The following YWHAQ variants were observed in gnomAD, a reference collection of about 807,000 sequenced individuals.
The protein encoded by YWHAQ is 14-3-3 protein theta.
In YWHAQ, 6 loss-of-function variants were observed where a neutral mutation model predicts 28.3. The ratio of observed to expected loss-of-function variants is 0.21; its 90% CI spans 0.12 to 0.42. The LOEUF (loss-of-function observed/expected upper bound fraction) is 0.42. Ranked by LOEUF, YWHAQ falls within the 10% of genes least tolerant of loss-of-function variation. The pLI is 1.00. For missense variants in YWHAQ, 201 were observed against 305.6 expected, an observed-to-expected ratio of 0.66 and a Z score of 2.55; for synonymous variants, 143 against 119.1, an observed-to-expected ratio of 1.20 and a Z score of -1.31.
intron 3 of YWHAQ, among the ~76,000 whole-genome samples, chr2:9,588,723 A>T (rs1666398010): frequency 6.6e-6 from 1 of 152,184 alleles, no homozygotes. Flanking sequence ...GTGAGCCGAC[A>T]TCACACCACT....
At chr2:9,585,561 C>T (rs1449458729) in intron 5 of YWHAQ, among the ~76,000 whole-genome samples, 6 of 151,812 alleles carry the variant, frequency 4.0e-5, no homozygotes, top group African/African-American at 1.4e-4. Flanking sequence ...AAATGACATA[C>T]ATACATACAT....
chr2:9,626,161 T>G (rs531354199), intron 2 of YWHAQ, among the ~76,000 whole-genome samples: 1 of 152,356 alleles, frequency 6.6e-6, no homozygotes, highest in Non-Finnish European at 1.5e-5. Context: ...GTTTCTGAAA[T>G]TGTTTATGCA....
At chr2:9,591,062 A>G (rs1358089658) in intron 3 of YWHAQ, among the ~76,000 whole-genome samples, 1 of 152,266 alleles carries the variant, frequency 6.6e-6, no homozygotes, top group African/African-American at 2.4e-5. Flanking sequence ...GAAATGCAGA[A>G]TCACTCATAA....
rs1359075979 is a variant in YWHAQ, at chr2:9,604,255, G to A, written c.295-12740C>T. ...AAACGAGAGACAGAAAATACGGGGGGAAAAGGTATTCCAAGGCGAAGACTG... is the reference window on the plus strand; with the variant it reads ...AAACGAGAGACAGAAAATACGGGGGAAAAAGGTATTCCAAGGCGAAGACTG... On this transcript the variant is annotated intron_variant, in intron 2 of 5. Coordinates refer to ENST00000238081, the MANE Select transcript of YWHAQ (RefSeq NM_006826.4). Among the ~76,000 whole-genome samples the A allele has an allele frequency of 4.6e-5, 7 of 152,194 alleles. No homozygotes were observed. In the East Asian group the frequency reaches 1.2e-3, roughly 25 times the overall value.
At chr2:9,610,378 A>G (rs1483083045) in intron 2 of YWHAQ, among the ~76,000 whole-genome samples, 5 of 152,206 alleles carry the variant, frequency 3.3e-5, no homozygotes, top group Non-Finnish European at 7.3e-5. Flanking sequence ...AGATTAAATG[A>G]GTTAACACAA....
At chr2:9,617,740 C>T (rs1667064154) in intron 2 of YWHAQ, among the ~76,000 whole-genome samples, 1 of 151,804 alleles carries the variant, frequency 6.6e-6, no homozygotes, top group African/African-American at 2.4e-5. Flanking sequence ...AGTTTGAGAC[C>T]AGCGTGGACA....
chr2:9,590,457 G>A (rs534563650), intron 3 of YWHAQ, among the ~76,000 whole-genome samples: 9 of 152,160 alleles, frequency 5.9e-5, no homozygotes, highest in Non-Finnish European at 1.2e-4. Context: ...CTATTTGTAG[G>A]GGTATATCTT....
intron 2 of YWHAQ, among the ~76,000 whole-genome samples, chr2:9,592,057 A>G (rs1035577988): frequency 5.9e-5 from 9 of 152,170 alleles, no homozygotes; most frequent in Admixed American, 5.9e-4. Flanking sequence ...AAATGCACCA[A>G]ACAGAAAACA....
At chr2:9,596,934 G>A (rs1407579988) in intron 2 of YWHAQ, among the ~76,000 whole-genome samples, 1 of 152,130 alleles carries the variant, frequency 6.6e-6, no homozygotes, top group Non-Finnish European at 1.5e-5. Context: ...CCTGAGCCAC[G>A]GTGCCCAGCT....
At chr2:9,588,449 G>T in intron 3 of YWHAQ, 121 bp from the exon 4 acceptor site, 1 of 1,148,964 alleles carries the variant, frequency 8.7e-7, no homozygotes, top group Non-Finnish European at 1.2e-6. Flanking sequence ...CTCTGTATGG[G>T]TCTTTTAAAA....
intron 2 of YWHAQ, among the ~76,000 whole-genome samples, chr2:9,610,357 G>A (rs892790439): frequency 2.6e-5 from 4 of 152,048 alleles, no homozygotes; most frequent in African/African-American, 9.7e-5. Flanking sequence ...TAATTCATAG[G>A]GTTGTTGTGA....
At chr2:9,588,502 G>A (rs951017414) in intron 3 of YWHAQ, among the ~76,000 whole-genome samples, 174 bp from the exon 4 acceptor site, 2 of 152,158 alleles carry the variant, frequency 1.3e-5, no homozygotes, top group African/African-American at 4.8e-5. Context: ...CAGGCGCGGT[G>A]GCTCACGCCT....
intron 2 of YWHAQ, among the ~76,000 whole-genome samples, chr2:9,618,196 T>G (rs953251349): frequency 6.6e-6 from 1 of 152,134 alleles, no homozygotes; most frequent in African/African-American, 2.4e-5. Flanking sequence ...CACAACTTTG[T>G]GAATAAACTA....
chr2:9,624,664 A>G (rs1320604470), intron 2 of YWHAQ, among the ~76,000 whole-genome samples: 2 of 152,038 alleles, frequency 1.3e-5, no homozygotes, highest in Non-Finnish European at 2.9e-5. Flanking sequence ...TGTTGCCAAA[A>G]TTCCGCTGGG....
intron 2 of YWHAQ, among the ~76,000 whole-genome samples, chr2:9,592,319 T>C (rs191796926): frequency 6.6e-6 from 1 of 152,292 alleles, no homozygotes; most frequent in Admixed American, 6.5e-5. Context: ...CAAAGAAATT[T>C]TCACTTCTAG....
rs141831347 is a variant in YWHAQ at position 9,608,777 on chromosome 2, C to T, written c.295-17262G>A. Among the ~76,000 whole-genome samples the T allele has an allele frequency of 3.4e-3, 521 of 152,176 alleles. 3 individuals are homozygous for T. The highest frequency in any genetic ancestry group is 0.012 in the African/African-American group (489 of 41,550). The stretch of plus-strand genomic sequence containing the variant: ...CAGCCTGGCCAACATGGCGAAACCC[C>T]GTCCCTACAAAAATTAGCCAGGCGT... On this transcript the variant is annotated intron_variant, in intron 2 of 5. Transcript: ENST00000238081.
intron 2 of YWHAQ, among the ~76,000 whole-genome samples, chr2:9,598,797 C>T: frequency 6.6e-6 from 1 of 152,118 alleles, no homozygotes; most frequent in East Asian, 1.9e-4. Flanking sequence ...CCCTGAGACA[C>T]AAAAATATTA....
In YWHAQ at chr2:9,584,940, C is replaced by A; in HGVS notation, c.*346G>T. ...TTTAAATTGTAATTAACTACATTTT[C>A]TTATTTTCACAGTAATACAAAACAC... On this transcript the variant is annotated 3_prime_UTR_variant, in exon 6 of 6. Transcript: ENST00000238081. 4.7e-6 allele frequency: 1 copy of A among 211,714 alleles called. No homozygotes were observed. The highest frequency in any genetic ancestry group is 5.4e-5 in the Admixed American group (1 of 18,514). 13.1% of individuals were successfully genotyped at this position (211,714 alleles called of 1,614,324 possible).
At chr2:9,614,656 T>C (rs958832178) in intron 2 of YWHAQ, among the ~76,000 whole-genome samples, 3 of 152,204 alleles carry the variant, frequency 2.0e-5, no homozygotes, top group African/African-American at 7.2e-5. Flanking sequence ...CTACTAAAGA[T>C]AGAAAATGGT....
Sources: gnomAD v4.1 joint callset for allele counts (sites outside exome capture counted in the v4.1 genomes callset) on GRCh38, gnomAD v4.1.1 for gene constraint, MANE v1.5 for transcripts, NCBI Gene and HGNC (gene_info 2026-07-23, HGNC 2026-07-21) for gene names.